The following TYW1 variants were observed in gnomAD, a reference collection of about 807,000 sequenced individuals.
TYW1 encodes tRNA-yW synthesizing protein 1 homolog.
TYW1 carries 46 observed loss-of-function variants against 96.2 expected under a neutral mutation model. The observed-to-expected ratio is 0.48, with a 90% CI of 0.38 to 0.61. The LOEUF (loss-of-function observed/expected upper bound fraction) is 0.61, where lower values mean the gene tolerates loss of function less well. Among genes scored for constraint, TYW1 ranks in the 20% least tolerant of loss-of-function variants. TYW1 has a pLI of 0.00. For synonymous variants in TYW1, 274 were observed against 323.0 expected (o/e 0.85, Z 1.63); for missense variants, 684 against 909.6 (o/e 0.75, Z 3.19).
At chr7:67,130,076 A>T (rs935921356) in intron 13 of TYW1, among the ~76,000 whole-genome samples, 1 of 151,534 alleles carries the variant, frequency 6.6e-6, no homozygotes, top group African/African-American at 2.4e-5. Flanking sequence ...AGAGTGTCAT[A>T]TCTTTCTATA....
chr7:67,008,493 A>T (rs1793678167), intron 3 of TYW1, among the ~76,000 whole-genome samples: 1 of 152,064 alleles, frequency 6.6e-6, no homozygotes. Context: ...AAGCCATCTC[A>T]TTAGCGTACA....
chr7:67,006,223 C>A (rs1295130557), intron 3 of TYW1, among the ~76,000 whole-genome samples: 1 of 151,968 alleles, frequency 6.6e-6, no homozygotes, highest in African/African-American at 2.4e-5. Flanking sequence ...CTCATGAGAT[C>A]TGGCTGTTTA....
chr7:67,236,358 A>G lies in TYW1; in HGVS notation c.1978-1950A>G, dbSNP rs182887604. ...AGCCACAGCTGGAATCAGAAGGTCA[A>G]TTGGCTGGAAGACAGTGGCTGTGGC... On this transcript the variant is annotated intron_variant, in intron 15 of 15. Transcript: ENST00000359626. Among the ~76,000 whole-genome samples the G allele has an allele frequency of 1.3e-3, 199 of 152,354 alleles. 4 individuals carry two copies. In the Middle Eastern group the frequency reaches 0.02, roughly 16 times the overall value.
chr7:67,224,752 G>C (rs1382796752), intron 15 of TYW1, among the ~76,000 whole-genome samples: 1 of 152,190 alleles, frequency 6.6e-6, no homozygotes, highest in Non-Finnish European at 1.5e-5. Context: ...GGAGTCTGCT[G>C]ATAAATTCAG....
intron 15 of TYW1, among the ~76,000 whole-genome samples, chr7:67,218,362 T>TA (rs1801269435): frequency 2.4e-5 from 2 of 81,738 alleles, no homozygotes; most frequent in African/African-American, 1.2e-4. Flanking sequence ...TTTATTTATT[T>TA]TTTTTTTTTG....
At chr7:67,084,254 C>T (rs1165835918) in intron 11 of TYW1, among the ~76,000 whole-genome samples, 1 of 141,432 alleles carries the variant, frequency 7.1e-6, no homozygotes, top group Non-Finnish European at 1.6e-5. Context: ...GAATGAATTC[C>T]TTATTTAAAA....
intron 14 of TYW1, among the ~76,000 whole-genome samples, chr7:67,191,893 TTTTTGTTTTG>T (rs1159682682): frequency 7.2e-6 from 1 of 138,900 alleles, no homozygotes; most frequent in African/African-American, 2.9e-5. Context: ...TGTTGTTTGG[TTTTTGTTTTG>T]TTTTGTTTTG....
intron 9 of TYW1, among the ~76,000 whole-genome samples, chr7:67,057,088 C>T (rs1795541774): frequency 6.7e-6 from 1 of 149,686 alleles, no homozygotes; most frequent in Admixed American, 6.7e-5. Flanking sequence ...GATCTTGGCT[C>T]ACTGCAACCT....
At chr7:67,146,023 C>T (rs776827116) in intron 13 of TYW1, among the ~76,000 whole-genome samples, 6 of 152,290 alleles carry the variant, frequency 3.9e-5, no homozygotes, top group Admixed American at 2.6e-4. Context: ...ACCTGGACTT[C>T]GCAAAGTACT....
chr7:67,142,724 G>T (rs992635135), intron 13 of TYW1, among the ~76,000 whole-genome samples: 1 of 152,068 alleles, frequency 6.6e-6, no homozygotes, highest in Non-Finnish European at 1.5e-5. Flanking sequence ...GAGCCACTGC[G>T]CCTGGCCAGC....
intron 15 of TYW1, among the ~76,000 whole-genome samples, chr7:67,198,567 G>C (rs1800484257): frequency 6.6e-6 from 1 of 150,940 alleles, no homozygotes; most frequent in Non-Finnish European, 1.5e-5. Context: ...AAAAAAAGAA[G>C]ATATAAAGTA....
chr7:67,089,314 C>T, intron 11 of TYW1: 2 of 1,346,104 alleles, frequency 1.5e-6, no homozygotes, highest in Non-Finnish European at 2.1e-6. Context: ...GCTCCTCTGC[C>T]TTTTGGGAGG....
intron 13 of TYW1, among the ~76,000 whole-genome samples, chr7:67,136,659 G>A (rs1320584159): frequency 4.9e-5 from 3 of 61,580 alleles, no homozygotes; most frequent in African/African-American, 3.9e-4. Flanking sequence ...GCGTGTGTGT[G>A]TGTGTGTGTG....
At chr7:67,142,447 G>A (rs566146361) in intron 13 of TYW1, among the ~76,000 whole-genome samples, 42 of 149,744 alleles carry the variant, frequency 2.8e-4, no homozygotes, top group Middle Eastern at 3.5e-3. Context: ...TTTTTTTTTC[G>A]AGACAGAGCC....
At position 67,017,909 on chromosome 7, in the gene TYW1, T is replaced by C; in HGVS notation, c.627T>C (p.Ser209=). The change falls in exon 6 of 16, where the codon AGT becomes AGC. Residue 209 remains serine, a synonymous_variant. Coordinates refer to ENST00000359626, the MANE Select transcript of TYW1 (RefSeq NM_018264.4). ...TGCTTGGCGCGCATCGTGTGATGAG[T>C]CGAGGGGAGGGCGACTGCGACGTGG... ...LWMLGAHRVM[S]RGEGDCDVVK... 1.2e-6 allele frequency: 2 copies of C among 1,613,884 alleles called. No individual in the cohort carries two copies. The highest frequency in any genetic ancestry group is 1.7e-6 in the Non-Finnish European group (2 of 1,179,988).
chr7:67,005,871 C>T (rs1018055415), intron 3 of TYW1, among the ~76,000 whole-genome samples: 4 of 152,148 alleles, frequency 2.6e-5, no homozygotes, highest in African/African-American at 9.7e-5. Flanking sequence ...TCTCTTACCC[C>T]ATCTCCTTGG....
chr7:67,064,036 A>T (rs1368586348), intron 9 of TYW1, among the ~76,000 whole-genome samples: 5 of 152,250 alleles, frequency 3.3e-5, no homozygotes, highest in Admixed American at 3.3e-4. Context: ...AATTTTTAAA[A>T]TGCTGATAAA....
chr7:67,105,486 C>T (rs181003750), intron 12 of TYW1, among the ~76,000 whole-genome samples: 12 of 152,176 alleles, frequency 7.9e-5, no homozygotes, highest in Admixed American at 2.0e-4. Flanking sequence ...TTGGAGCCAA[C>T]GCTGAAAAAC....
chr7:67,169,204 TC>T (rs1305403508), intron 13 of TYW1, among the ~76,000 whole-genome samples: 2 of 152,152 alleles, frequency 1.3e-5, no homozygotes, highest in Admixed American at 1.3e-4. Context: ...GTTCATCCTT[TC>T]CATTTTAAAA....
Sources: gnomAD v4.1 joint callset for allele counts (sites outside exome capture counted in the v4.1 genomes callset) on GRCh38, gnomAD v4.1.1 for gene constraint, MANE v1.5 for transcripts, NCBI Gene and HGNC (gene_info 2026-07-23, HGNC 2026-07-21) for gene names.